Variants in DIP2B observed in about 807,000 individuals in gnomAD.
The protein encoded by DIP2B is disco-interacting protein 2 homolog B.
A neutral mutation model predicts 198.0 loss-of-function variants in DIP2B; 76 were observed. The observed-to-expected ratio is 0.38, with a 90% CI of 0.32 to 0.46. The LOEUF (loss-of-function observed/expected upper bound fraction) is 0.46. Among genes scored for constraint, DIP2B ranks in the 20% least tolerant of loss-of-function variants. DIP2B has a pLI of 0.99. For synonymous variants in DIP2B, 701 were observed against 739.1 expected (o/e 0.95, Z 0.84); for missense variants, 1,559 against 1,978.4 (o/e 0.79, Z 4.02).
intron 1 of DIP2B, among the ~76,000 whole-genome samples, chr12:50,600,291 G>A (rs1300731906): frequency 6.6e-6 from 1 of 152,112 alleles, no homozygotes; most frequent in Non-Finnish European, 1.5e-5. Context: ...TGTTGGATGA[G>A]GACAAAATAT....
rs746068170 is a variant in DIP2B, at chr12:50,691,079, G to A, written c.1582G>A (p.Gly528Arg). The change falls in exon 13 of 38, where the codon GGA becomes AGA. Residue 528 changes from glycine (G) to arginine (R), a missense_variant. Physicochemically the swap from Gly to Arg is moderately radical, Grantham distance 125. Transcript: ENST00000301180. ...YKTSKEGSVM[G>R]VTVSRLAMLS... ...AACAAGCAAAGAAGGGAGTGTAATG[G>A]GAGTTACAGTATCCCGGCTTGCAAT... is the stretch of plus-strand genomic sequence containing the variant. 6.2e-7 allele frequency: 1 copy of A among 1,613,858 alleles called. No individual in the cohort carries two copies. The highest frequency in any genetic ancestry group is 8.5e-7 in the Non-Finnish European group (1 of 1,179,976).
intron 1 of DIP2B, among the ~76,000 whole-genome samples, chr12:50,597,018 T>C (rs960535513): frequency 6.6e-6 from 1 of 152,184 alleles, no homozygotes; most frequent in Admixed American, 6.5e-5. Flanking sequence ...TTAGTTTTTT[T>C]GTTATGTAGG....
chr12:50,660,402 A>G (rs777360814), intron 4 of DIP2B, 83 bp downstream of exon 4: 20 of 1,402,690 alleles, frequency 1.4e-5, no homozygotes, highest in Non-Finnish European at 1.8e-5. Flanking sequence ...TTTCTGAGGT[A>G]AGAACCAGAA....
chr12:50,530,838 G>T (rs1958210627), intron 1 of DIP2B, among the ~76,000 whole-genome samples: 2 of 152,172 alleles, frequency 1.3e-5, no homozygotes, highest in South Asian at 4.1e-4. Context: ...AGAGGCAGAA[G>T]AACAGTTTAG....
At chr12:50,722,796 T>C (rs924467437) in intron 26 of DIP2B, among the ~76,000 whole-genome samples, 1 of 152,220 alleles carries the variant, frequency 6.6e-6, no homozygotes, top group Non-Finnish European at 1.5e-5. Context: ...CTAAGAAGTC[T>C]GATGGCTCTT....
intron 1 of DIP2B, among the ~76,000 whole-genome samples, chr12:50,609,726 A>G (rs1223720070): frequency 6.6e-6 from 1 of 152,232 alleles, no homozygotes; most frequent in Non-Finnish European, 1.5e-5. Context: ...TTGATTGCCC[A>G]GCTAACCATC....
chr12:50,609,466 G>A (rs576761078), intron 1 of DIP2B, among the ~76,000 whole-genome samples: 1 of 152,338 alleles, frequency 6.6e-6, no homozygotes, highest in African/African-American at 2.4e-5. Flanking sequence ...TGGGCAACAG[G>A]CCCTTCTACC....
chr12:50,562,706 C>T (rs1003678329), intron 1 of DIP2B, among the ~76,000 whole-genome samples: 1 of 150,970 alleles, frequency 6.6e-6, no homozygotes, highest in Non-Finnish European at 1.5e-5. Flanking sequence ...CACTGCACTC[C>T]AGACTGGGTG....
In DIP2B at chr12:50,689,047, G is replaced by A. The variant is rs1939178742; in HGVS notation, c.1552-2002G>A. ...GGAGTTATTAAAGGGTTGTCAGCAG[G>A]AGAGTGACAAGAATGAATTTATTAT... On this transcript the variant is annotated intron_variant, in intron 12 of 37. Coordinates refer to ENST00000301180, the MANE Select transcript of DIP2B (RefSeq NM_173602.3). Among the ~76,000 whole-genome samples, 10 of 152,170 alleles carry A rather than the reference G, an allele frequency of 6.6e-5. No individual in the cohort carries two copies. In the South Asian group the frequency reaches 2.1e-3, roughly 32 times the overall value.
chr12:50,742,319 C>T (rs968317647), intron 37 of DIP2B, among the ~76,000 whole-genome samples: 2 of 136,292 alleles, frequency 1.5e-5, no homozygotes, highest in Non-Finnish European at 3.0e-5. Context: ...ATCACTTGAG[C>T]CTGGGAGGTT....
chr12:50,685,505 A>G (rs1438205886), intron 10 of DIP2B, among the ~76,000 whole-genome samples: 1 of 152,230 alleles, frequency 6.6e-6, no homozygotes, highest in African/African-American at 2.4e-5. Context: ...GGGGAAGATA[A>G]CCATGTTAGC....
chr12:50,551,092 A>C (rs1334424454), intron 1 of DIP2B, among the ~76,000 whole-genome samples: 12 of 151,914 alleles, frequency 7.9e-5, no homozygotes, highest in Non-Finnish European at 1.3e-4. Flanking sequence ...CCCTGTCTTT[A>C]AGAAAAAAAA....
chr12:50,624,786 A>G (rs1323706786), intron 1 of DIP2B, among the ~76,000 whole-genome samples: 1 of 152,164 alleles, frequency 6.6e-6, no homozygotes, highest in Non-Finnish European at 1.5e-5. Flanking sequence ...TCTGGCTTTT[A>G]GTCTTGGTTC....
At chr12:50,641,146 C>T (rs1207697083) in intron 3 of DIP2B, among the ~76,000 whole-genome samples, 1 of 152,124 alleles carries the variant, frequency 6.6e-6, no homozygotes, top group Non-Finnish European at 1.5e-5. Context: ...CACTTGAGGT[C>T]AGGAGTTTGA....
intron 3 of DIP2B, chr12:50,657,066 G>A (rs1938566456): frequency 6.6e-6 from 1 of 151,822 alleles, no homozygotes; most frequent in Admixed American, 6.6e-5. Flanking sequence ...CTCGTGAAAT[G>A]TTCCATTAAA....
intron 1 of DIP2B, among the ~76,000 whole-genome samples, chr12:50,512,687 C>G (rs1018050584): frequency 2.6e-5 from 4 of 152,094 alleles, no homozygotes; most frequent in Non-Finnish European, 4.4e-5. Flanking sequence ...TCTAACCTCC[C>G]AGGTATGAGT....
chr12:50,549,697 TAAAAAAAAAA>T (rs56326368), intron 1 of DIP2B, among the ~76,000 whole-genome samples: 8 of 64,770 alleles, frequency 1.2e-4, no homozygotes, highest in Admixed American at 9.0e-4. Flanking sequence ...GACTCCATCT[TAAAAAAAAAA>T]AAAAAAAAAA....
chr12:50,655,053 T>C (rs1938531359), intron 3 of DIP2B: 1 of 446,762 alleles, frequency 2.2e-6, no homozygotes, highest in Non-Finnish European at 4.5e-6. Flanking sequence ...AAGCCCTGAT[T>C]AGTGTAAAAA....
At chr12:50,528,991 A>C (rs1958191848) in intron 1 of DIP2B, among the ~76,000 whole-genome samples, 1 of 152,236 alleles carries the variant, frequency 6.6e-6, no homozygotes, top group African/African-American at 2.4e-5. Flanking sequence ...ATAATGGGTT[A>C]AGGAGTGATT....
Sources: allele counts gnomAD v4.1 joint callset (sites outside exome capture counted in the v4.1 genomes callset), GRCh38; gene constraint gnomAD v4.1.1; transcripts MANE v1.5; gene names NCBI Gene and HGNC (gene_info 2026-07-23, HGNC 2026-07-21).